The following TNRC18 variants were observed in gnomAD, a reference collection of about 807,000 sequenced individuals.
TNRC18 encodes the protein trinucleotide repeat containing 18.
A neutral mutation model predicts 226.7 loss-of-function variants in TNRC18; 69 were observed. That is an observed-to-expected ratio of 0.30 (90% CI 0.25 to 0.37). The LOEUF (loss-of-function observed/expected upper bound fraction) is 0.37, where lower values mean the gene tolerates loss of function less well. Ranked by LOEUF, TNRC18 falls within the 10% of genes least tolerant of loss-of-function variation. TNRC18 has a pLI of 1.00. For synonymous variants in TNRC18, 2,449 were observed against 1,927.6 expected, an observed-to-expected ratio of 1.27 and a Z score of -7.09; for missense variants, 4,754 against 4,256.6, an observed-to-expected ratio of 1.12 and a Z score of -3.25.
rs1788290128 is a variant in TNRC18, at chr7:5,320,952, G to T, written c.6560+121C>A. The T allele has an allele frequency of 2.5e-5, 19 of 749,076 alleles. No homozygotes were observed. In the Admixed American group the frequency reaches 3.1e-4, roughly 12 times the overall value. The allele number at this position is 749,076 out of a possible 1,614,324, so 46.4% of individuals were successfully genotyped here. On this transcript the variant is annotated intron_variant, in intron 22 of 29. Transcript: ENST00000430969. Reference sequence around the variant, plus strand: ...CAGCTCTGAGCCCACTCATGCCCCTGCCCTGTGCCATCGGGGGAAACCACA... The same window carrying T: ...CAGCTCTGAGCCCACTCATGCCCCTTCCCTGTGCCATCGGGGGAAACCACA...
chr7:5,402,234 C>A (rs1304136606), intron 2 of TNRC18, among the ~76,000 whole-genome samples: 2 of 149,484 alleles, frequency 1.3e-5, no homozygotes, highest in African/African-American at 4.9e-5. Context: ...AGACCCCATC[C>A]CAAAAAAATT....
At position 5,421,193 on chromosome 7, in the gene TNRC18, C is replaced by T. The variant is rs779504393; in HGVS notation, c.54G>A (p.Pro18=). 2.0e-5 allele frequency: 28 copies of T among 1,378,244 alleles called. No homozygotes were observed. The Admixed American group carries it at 7.4e-4, about 36-fold the overall frequency. 85.4% of individuals were successfully genotyped at this position (1,378,244 alleles called of 1,614,324 possible). ...PQRSVHGPPP[P]LLSGLAMDSH... is the part of the protein sequence containing the mutation. ...TGTCCATGGCCAGGCCGGACAGCAG[C>T]GGCGGCGGGGGACCGTGCACGGACC... The change falls in exon 2 of 30, where the codon CCG becomes CCA. Residue 18 remains proline (P), a synonymous_variant. Transcript: ENST00000430969.
At chr7:5,395,996 CAAA>C (rs1178969904) in intron 2 of TNRC18, among the ~76,000 whole-genome samples, 3 of 107,736 alleles carry the variant, frequency 2.8e-5, no homozygotes, top group African/African-American at 3.7e-5. Context: ...GACTCCGTCT[CAAA>C]AAAAAAAAAA....
chr7:5,360,566 C>T (rs981434956), intron 14 of TNRC18, among the ~76,000 whole-genome samples: 9 of 152,062 alleles, frequency 5.9e-5, no homozygotes, highest in African/African-American at 2.2e-4. Context: ...AAAACAGGCT[C>T]GGAAAAGCTA....
Position 5,327,399 on chromosome 7 carries a change from G to GTGTGTGTGTGTC in TNRC18, c.6148-2152_6148-2151insGACACACACACA, listed in dbSNP as rs1562497366. Among the ~76,000 whole-genome samples, 3 of 138,202 alleles carry GTGTGTGTGTGTC rather than the reference G, an allele frequency of 2.2e-5. No homozygotes were observed. The East Asian group carries it at 6.1e-4, about 28-fold the overall frequency. The allele number at this position is 138,202 out of a possible 152,430, so 90.7% of individuals were successfully genotyped here. On this transcript the variant is annotated intron_variant, in intron 19 of 29. Coordinates refer to ENST00000430969, the MANE Select transcript of TNRC18 (RefSeq NM_001080495.3). ...TGTGTGTGTGTGTGTGTGTGTGTGT[G>GTGTGTGTGTGTC]TGTGTGTGTGTGTCTGTGTGTTTTA...
chr7:5,394,625 GCAGA>G lies in TNRC18; in HGVS notation c.188-34_188-31del. 6.6e-7 allele frequency: 1 copy of G among 1,526,630 alleles called. No homozygotes were observed. The highest frequency in any genetic ancestry group is 8.8e-7 in the Non-Finnish European group (1 of 1,136,798). 94.6% of individuals were successfully genotyped at this position (1,526,630 alleles called of 1,614,324 possible). On this transcript the variant is annotated intron_variant, in intron 2 of 29. Coordinates refer to ENST00000430969, the MANE Select transcript of TNRC18 (RefSeq NM_001080495.3). The surrounding 1 kb of genome is among the most constrained non-coding windows in gnomAD (Gnocchi z 4.5). Reference sequence around the variant, plus strand: ...AGAGAGAAGTTGGGAGGACCGTCAGGCAGACAACCAGGGAGGCGCCGCCGCCCCA... The same window carrying G: ...AGAGAGAAGTTGGGAGGACCGTCAGGCAACCAGGGAGGCGCCGCCGCCCCA...
At chr7:5,338,374 G>T (rs1203133752) in intron 18 of TNRC18, among the ~76,000 whole-genome samples, 1 of 152,062 alleles carries the variant, frequency 6.6e-6, no homozygotes, top group Non-Finnish European at 1.5e-5. Flanking sequence ...AAGAGAGCTG[G>T]CGTGGCTATA....
At chr7:5,390,787 C>T (rs1382370451) in intron 3 of TNRC18, among the ~76,000 whole-genome samples, 159 bp from the exon 4 acceptor site, 1 of 152,072 alleles carries the variant, frequency 6.6e-6, no homozygotes, top group Non-Finnish European at 1.5e-5. Context: ...TTCTCCTGCT[C>T]CCCAACCCTG....
chr7:5,329,158 C>T (rs1789247575), intron 19 of TNRC18, among the ~76,000 whole-genome samples: 1 of 151,652 alleles, frequency 6.6e-6, no homozygotes. Context: ...CAAAAGTGAG[C>T]CGAGCATGGT....
In TNRC18 at chr7:5,374,074, G is replaced by A. The variant is rs998507903; in HGVS notation, c.3210C>T (p.Pro1070=). Residue 1070 remains proline (P), a synonymous_variant, in exon 10 of 30, where the codon CCC becomes CCT. Transcript: ENST00000430969. ...TCCTACCTGAGAACAGGGCCTGGAAGGGGCTGGGGGCTTCCTTCTCCAACT... is the reference window on the plus strand; with the variant it reads ...TCCTACCTGAGAACAGGGCCTGGAAAGGGCTGGGGGCTTCCTTCTCCAACT... ...DLELEKEAPS[P]FQALFSDIPP... 5 of 1,575,106 alleles carry A rather than the reference G, an allele frequency of 3.2e-6. No homozygotes were observed. Among genetic ancestry groups the A allele is most frequent in the African/African-American group, 2.8e-5 (2 of 71,444 alleles).
intron 2 of TNRC18, among the ~76,000 whole-genome samples, chr7:5,397,075 G>C (rs923346865): frequency 1.3e-5 from 2 of 152,006 alleles, no homozygotes; most frequent in Admixed American, 1.3e-4. Flanking sequence ...CCACCACCCC[G>C]TGTCCGGCCC....
At chr7:5,372,479 TC>T (rs1293618843) in intron 10 of TNRC18, among the ~76,000 whole-genome samples, 1 of 148,372 alleles carries the variant, frequency 6.7e-6, no homozygotes, top group Non-Finnish European at 1.5e-5. Context: ...CGCCTCAGCC[TC>T]CCAAAGTGCT....
intron 2 of TNRC18, among the ~76,000 whole-genome samples, chr7:5,417,294 C>G (rs566982195): frequency 6.9e-4 from 105 of 152,252 alleles, no homozygotes; most frequent in African/African-American, 2.3e-3. Flanking sequence ...ATAGCAAGAC[C>G]CTACCTCTAC....
intron 2 of TNRC18, among the ~76,000 whole-genome samples, chr7:5,416,699 T>TA (rs1036198594): frequency 1.4e-5 from 2 of 143,256 alleles, no homozygotes; most frequent in Admixed American, 7.1e-5. Context: ...CTACTAAAAA[T>TA]AAAAAAAATT....
chr7:5,335,076 C>T (rs953857551), intron 18 of TNRC18, among the ~76,000 whole-genome samples: 20 of 151,640 alleles, frequency 1.3e-4, no homozygotes, highest in South Asian at 8.3e-4. Flanking sequence ...TCAAGGCGGG[C>T]GGATCACCTG....
chr7:5,390,471 G>GAC lies in TNRC18; in HGVS notation c.487+12_487+13dup. On this transcript the variant is annotated intron_variant, in intron 4 of 29. Coordinates refer to ENST00000430969, the MANE Select transcript of TNRC18 (RefSeq NM_001080495.3). ...GGCCCCTGTGCCACCCCCAACCCCGGACTCCAGTCTTACCTCCTCCTGGCC... is the reference window on the plus strand; with the variant it reads ...GGCCCCTGTGCCACCCCCAACCCCGGACACTCCAGTCTTACCTCCTCCTGGCC... 6.2e-7 allele frequency: 1 copy of GAC among 1,613,172 alleles called. No homozygotes were observed. The highest frequency in any genetic ancestry group is 8.5e-7 in the Non-Finnish European group (1 of 1,179,780).
chr7:5,361,711 T>C lies in TNRC18; in HGVS notation c.4544A>G (p.Glu1515Gly). ...QRRRDSEDRR[E>G]EPHRSLARRG... is the part of the protein sequence containing the mutation. ...GCGTGCCAAGCTTCTATGGGGTTCC[T>C]CGCGCCTGTCCCTTAAAAAGAATCA... The change falls in exon 14 of 30, where the codon GAG becomes GGG. Residue 1515 changes from glutamate to glycine, a missense_variant. Physicochemically the swap from Glu to Gly is moderately conservative, Grantham distance 98. Coordinates refer to ENST00000430969, the MANE Select transcript of TNRC18 (RefSeq NM_001080495.3). The C allele has an allele frequency of 6.4e-7, 1 of 1,566,086 alleles. No homozygotes were observed. The highest frequency in any genetic ancestry group is 8.6e-7 in the Non-Finnish European group (1 of 1,156,208).
At chr7:5,411,227 A>AG (rs1304659030) in intron 2 of TNRC18, among the ~76,000 whole-genome samples, 2 of 151,670 alleles carry the variant, frequency 1.3e-5, no homozygotes, top group Non-Finnish European at 2.9e-5. Context: ...AAAAAAAAAA[A>AG]AAAAAAGAAA....
chr7:5,380,604 C>T lies in TNRC18; in HGVS notation c.2153-2580G>A, dbSNP rs1379339194. Among the ~76,000 whole-genome samples the T allele has an allele frequency of 3.9e-5, 6 of 152,116 alleles. No individual in the cohort carries two copies. In the South Asian group the frequency reaches 6.2e-4, roughly 16 times the overall value. On this transcript the variant is annotated intron_variant, in intron 5 of 29. Coordinates refer to ENST00000430969, the MANE Select transcript of TNRC18 (RefSeq NM_001080495.3). ...GCGTGTTGACGAGGGCGCCTGGACA[C>T]GGGCCTCCAGGGCTACCTGGACCTC...
Sources: gnomAD v4.1 joint callset for allele counts (sites outside exome capture counted in the v4.1 genomes callset) on GRCh38, gnomAD v4.1.1 for gene constraint, Gnocchi (gnomAD v3.1) non-coding constraint, MANE v1.5 for transcripts, NCBI Gene and HGNC (gene_info 2026-07-23, HGNC 2026-07-21) for gene names.